Variants in UNC13B observed in about 807,000 individuals in gnomAD.
The protein encoded by UNC13B is unc-13 homolog B, also known as protein unc-13 homolog B.
A neutral mutation model predicts 211.0 loss-of-function variants in UNC13B; 144 were observed. The ratio of observed to expected loss-of-function variants is 0.68; its 90% CI spans 0.60 to 0.78. UNC13B has a LOEUF of 0.78. Among genes scored for constraint, UNC13B ranks in the 30% least tolerant of loss-of-function variants. The probability of loss-of-function intolerance (pLI) is 0.00; values close to 1 mark genes in which losing one functional copy is unlikely to be tolerated. For missense variants in UNC13B, 1,777 were observed against 2,002.0 expected (o/e 0.89, Z 2.14); for synonymous variants, 709 against 725.8 (o/e 0.98, Z 0.37).
intron 22 of UNC13B, chr9:35,384,572 C>A: frequency 1.0e-6 from 1 of 985,474 alleles, no homozygotes; most frequent in Non-Finnish European, 1.2e-6. Flanking sequence ...CTACTAAACT[C>A]TCTGGTGACA....
Position 35,403,828 on chromosome 9 carries a change from G to T in UNC13B, c.12818G>T (p.Arg4273Leu), listed in dbSNP as rs137999033. 238 of 1,614,042 alleles carry T rather than the reference G, an allele frequency of 1.5e-4. No homozygotes were observed. Among genetic ancestry groups the T allele is most frequent in the Non-Finnish European group, 1.9e-4 (226 of 1,180,044 alleles). Residue 4273 changes from arginine to leucine, a missense_variant, in exon 40 of 40, where the codon CGC (arginine) becomes CTC (leucine). Arg to Leu is a moderately radical substitution (Grantham distance 102, BLOSUM62 -2). Coordinates refer to ENST00000635942, the MANE Select transcript of UNC13B (RefSeq NM_001371189.2). ...VKDYCFAREDRVLGLAVMPLR... is the reference protein window; with the variant it reads ...VKDYCFAREDLVLGLAVMPLR... ...GATTACTGCTTTGCCCGGGAAGATC[G>T]CGTGCTAGGGCTGGCTGTGATGCCT...
intron 1 of UNC13B, among the ~76,000 whole-genome samples, chr9:35,190,688 C>T (rs1338322009): frequency 1.3e-5 from 2 of 151,778 alleles, no homozygotes; most frequent in African/African-American, 2.4e-5. Context: ...ATAATTCAGT[C>T]GACTAAAAAG....
intron 7 of UNC13B, among the ~76,000 whole-genome samples, chr9:35,272,584 T>C (rs1156443758): frequency 6.6e-6 from 1 of 152,176 alleles, no homozygotes; most frequent in Admixed American, 6.5e-5. Context: ...TATACTTTAT[T>C]GTACTTTCCA....
intron 11 of UNC13B, among the ~76,000 whole-genome samples, chr9:35,349,697 G>A (rs1291243000): frequency 1.3e-5 from 2 of 152,218 alleles, no homozygotes; most frequent in Non-Finnish European, 2.9e-5. Context: ...AATACATGCA[G>A]TTTCTGTCTC....
chr9:35,326,530 C>T (rs1831027436), intron 11 of UNC13B, among the ~76,000 whole-genome samples: 1 of 152,110 alleles, frequency 6.6e-6, no homozygotes, highest in Non-Finnish European at 1.5e-5. Context: ...GGACTATAGG[C>T]ATGCACCACC....
At chr9:35,347,447 G>A (rs1239439370) in intron 11 of UNC13B, among the ~76,000 whole-genome samples, 2 of 152,148 alleles carry the variant, frequency 1.3e-5, no homozygotes, top group East Asian at 3.9e-4. Context: ...GGTGAATTGG[G>A]CCTCCTGTCC....
At chr9:35,241,501 G>A (rs981084889) in intron 5 of UNC13B, among the ~76,000 whole-genome samples, 1 of 150,842 alleles carries the variant, frequency 6.6e-6, no homozygotes, top group Non-Finnish European at 1.5e-5. Flanking sequence ...CTTCCTATAG[G>A]CTACCACTAT....
intron 11 of UNC13B, among the ~76,000 whole-genome samples, chr9:35,335,763 C>T (rs1831619211): frequency 6.6e-6 from 1 of 151,204 alleles, no homozygotes; most frequent in Non-Finnish European, 1.5e-5. Flanking sequence ...AATCACGGCT[C>T]ACTGTAACCT....
At position 35,302,952 on chromosome 9, in the gene UNC13B, T is replaced by C. The variant is rs1020913048; in HGVS notation, c.3548T>C (p.Ile1183Thr). Reference protein sequence around the residue: ...SHHKNNTPGLISGIFNLLSNS... With the variant: ...SHHKNNTPGLTSGIFNLLSNS... The stretch of plus-strand genomic sequence containing the variant: ...CACAAGAATAATACCCCAGGTTTAA[T>C]CTCTGGAATATTTAACCTGCTATCA... The change falls in exon 9 of 40, where the codon ATC (isoleucine) becomes ACC (threonine). Residue 1183 changes from isoleucine to threonine, a missense_variant. By Grantham distance (89) the Ile-to-Thr change is moderately conservative. Transcript: ENST00000635942. The C allele has an allele frequency of 1.5e-5, 6 of 398,628 alleles. No individual in the cohort carries two copies. The highest frequency in any genetic ancestry group is 1.2e-4 in the African/African-American group (6 of 48,624). 24.7% of individuals were successfully genotyped at this position (398,628 alleles called of 1,614,324 possible).
intron 11 of UNC13B, among the ~76,000 whole-genome samples, chr9:35,326,540 C>T (rs1831028199): frequency 6.6e-6 from 1 of 152,040 alleles, no homozygotes; most frequent in African/African-American, 2.4e-5. Flanking sequence ...CATGCACCAC[C>T]ACACCTGGCT....
chr9:35,312,106 A>T (rs1255998652), intron 10 of UNC13B, among the ~76,000 whole-genome samples: 1 of 152,206 alleles, frequency 6.6e-6, no homozygotes, highest in East Asian at 1.9e-4. Context: ...CTCCTGACAG[A>T]TTTCCCCTGG....
intron 3 of UNC13B, 37 bp from the exon 4 acceptor site, chr9:35,236,432 T>C: frequency 1.3e-6 from 2 of 1,538,498 alleles, no homozygotes; most frequent in South Asian, 2.2e-5. Flanking sequence ...TTTCATATTG[T>C]CTAGCTTTCC....
intron 7 of UNC13B, among the ~76,000 whole-genome samples, chr9:35,288,445 A>T (rs1008998338): frequency 6.6e-6 from 1 of 152,220 alleles, no homozygotes; most frequent in Non-Finnish European, 1.5e-5. Flanking sequence ...CTCACTGAAC[A>T]TGCCTTTGCA....
At chr9:35,352,746 G>A in intron 11 of UNC13B, 2 of 1,232,166 alleles carry the variant, frequency 1.6e-6, no homozygotes, top group Non-Finnish European at 2.0e-6. Context: ...GTTATCAGTG[G>A]CAGCTGTGAT....
intron 7 of UNC13B, among the ~76,000 whole-genome samples, chr9:35,275,955 G>A (rs1479209993): frequency 6.6e-6 from 1 of 152,054 alleles, no homozygotes; most frequent in African/African-American, 2.4e-5. Context: ...GTTGAGATTT[G>A]AATACTTCTT....
At chr9:35,343,046 A>G (rs1314771405) in intron 11 of UNC13B, among the ~76,000 whole-genome samples, 1 of 152,236 alleles carries the variant, frequency 6.6e-6, no homozygotes, top group African/African-American at 2.4e-5. Flanking sequence ...CACATGCGCA[A>G]TAGACAGTCT....
chr9:35,205,121 A>G (rs1383230267), intron 1 of UNC13B, among the ~76,000 whole-genome samples: 1 of 151,564 alleles, frequency 6.6e-6, no homozygotes, highest in African/African-American at 2.4e-5. Context: ...CTCACCCCTC[A>G]CTCTTTTCCT....
chr9:35,300,621 T>C lies in UNC13B; in HGVS notation c.1217T>C (p.Ile406Thr), dbSNP rs1829627184. 5.0e-6 allele frequency: 2 copies of C among 398,888 alleles called. No homozygotes were observed. The highest frequency in any genetic ancestry group is 8.8e-6 in the Non-Finnish European group (2 of 226,026). The allele number at this position is 398,888 out of a possible 1,614,324, so 24.7% of individuals were successfully genotyped here. The change falls in exon 9 of 40, where the codon ATT (isoleucine) becomes ACT (threonine). Residue 406 changes from isoleucine to threonine, a missense_variant. By Grantham distance (89) the Ile-to-Thr change is moderately conservative (BLOSUM62 -1). Transcript: ENST00000635942. ...PTWHSSNVHHIGDFPEEYYVA... is the reference protein window; with the variant it reads ...PTWHSSNVHHTGDFPEEYYVA... The stretch of plus-strand genomic sequence containing the variant: ...TGGCATTCATCCAATGTCCACCATA[T>C]TGGAGATTTTCCTGAGGAATATTAT...
intron 14 of UNC13B, 75 bp from the exon 15 acceptor site, chr9:35,375,953 C>T (rs1456162383): frequency 6.7e-7 from 1 of 1,485,718 alleles, no homozygotes; most frequent in Non-Finnish European, 9.4e-7. Context: ...GCACTCCAGC[C>T]TGGGCAACAG....
Sources: allele counts gnomAD v4.1 joint callset (sites outside exome capture counted in the v4.1 genomes callset), GRCh38; gene constraint gnomAD v4.1.1; transcripts MANE v1.5; gene names NCBI Gene and HGNC (gene_info 2026-07-23, HGNC 2026-07-21).